ASIC4: variants seen among roughly 807,000 people sequenced by gnomAD.
The protein encoded by ASIC4 is acid sensing ion channel subunit family member 4.
ASIC4 carries 28 observed loss-of-function variants against 53.4 expected under a neutral mutation model. The observed-to-expected ratio is 0.52, with a 90% confidence interval of 0.39 to 0.72. The LOEUF is 0.72. Ranked by LOEUF, ASIC4 falls within the 30% of genes least tolerant of loss-of-function variation. The pLI is 0.00. For synonymous variants in ASIC4, 289 were observed against 301.4 expected (o/e 0.96, Z 0.43); for missense variants, 649 against 729.7 (o/e 0.89, Z 1.27).
intron 1 of ASIC4, among the ~76,000 whole-genome samples, chr2:219,530,185 A>T (rs374863232): frequency 3.8e-4 from 58 of 152,246 alleles, no homozygotes; most frequent in Middle Eastern, 3.4e-3. Context: ...GCTGCCTGTG[A>T]TGGGTTTGAC....
rs540946532 is a variant in ASIC4, at chr2:219,518,858, C to T, written c.582+3552C>T. On this transcript the variant is annotated intron_variant, in intron 1 of 9. Transcript: ENST00000358078. The surrounding 1 kb of genome is among the most constrained non-coding windows in gnomAD (Gnocchi z 4.8). The stretch of plus-strand genomic sequence containing the variant: ...CGGCTCTACGCATTAAGCTGTGTGG[C>T]CGTGGGGAAGCCAAAAAGCTTCTGT... 6.6e-6 allele frequency among the ~76,000 whole-genome samples: 1 copy of T among 152,314 alleles called. No individual in the cohort carries two copies. The highest frequency in any genetic ancestry group is 1.9e-4 in the East Asian group (1 of 5,186).
At chr2:219,535,914 A>AT (rs1382865943) in intron 6 of ASIC4, among the ~76,000 whole-genome samples, 1 of 151,824 alleles carries the variant, frequency 6.6e-6, no homozygotes, top group Non-Finnish European at 1.5e-5. Flanking sequence ...CTGGGATTAT[A>AT]GGCACCCACA....
rs1694849822 is a variant in ASIC4 at position 219,519,275 on chromosome 2, T to C, written c.582+3969T>C. 3.3e-5 allele frequency among the ~76,000 whole-genome samples: 5 copies of C among 152,338 alleles called. No individual in the cohort carries two copies. The South Asian group carries it at 1.0e-3, about 32-fold the overall frequency. On this transcript the variant is annotated intron_variant, in intron 1 of 9. Transcript: ENST00000358078. ...CTTAGCACACTACCTGGCACACACA[T>C]CGTATACTCTGTGTAAGCGTCAGCT...
In ASIC4 at chr2:219,525,938, G is replaced by T. The variant is rs35702981; in HGVS notation, c.583-5820G>T. Among the ~76,000 whole-genome samples the T allele has an allele frequency of 8.4e-3, 1,278 of 152,362 alleles. 10 individuals are homozygous for T. The highest frequency in any genetic ancestry group is 0.014 in the Non-Finnish European group (921 of 68,032). On this transcript the variant is annotated intron_variant, in intron 1 of 9. Coordinates refer to ENST00000358078, the MANE Select transcript of ASIC4 (RefSeq NM_018674.6). ...GTCAGGGGAAGTGCCGGGACCAGAG[G>T]CAGGGTGCCCAGAAGGCAGTGGAGA...
chr2:219,514,454 T>C, upstream of ASIC4: 1 of 1,550,102 alleles, frequency 6.5e-7, no homozygotes, highest in Non-Finnish European at 8.7e-7. Flanking sequence ...GTGCTGGTGC[T>C]GATAAGGGAA....
chr2:219,520,701 T>C (rs1471063544), intron 1 of ASIC4, among the ~76,000 whole-genome samples: 3 of 152,220 alleles, frequency 2.0e-5, no homozygotes, highest in African/African-American at 4.8e-5. Flanking sequence ...CTCTGTTCCC[T>C]GTGGTCCCAG....
upstream of ASIC4, among the ~76,000 whole-genome samples, chr2:219,510,349 C>G (rs1034975187): frequency 6.6e-6 from 1 of 152,150 alleles, no homozygotes; most frequent in Non-Finnish European, 1.5e-5. The surrounding 1 kb of genome is among the most constrained non-coding windows in gnomAD (Gnocchi z 5.2). Flanking sequence ...GACCAGCACC[C>G]CCTCCCGGCC....
At chr2:219,507,914 C>T in the ASIC4 span, among the ~76,000 whole-genome samples, 1 of 152,078 alleles carries the variant, frequency 6.6e-6, no homozygotes, top group East Asian at 1.9e-4. Context: ...CATAGCCTGG[C>T]AGTTAGGAAG....
rs1695052058 is a variant in ASIC4 at position 219,532,110 on chromosome 2, G to A, written c.837G>A (p.Val279=). ...FGVSPGFQTF[V]SCQEQRLTYL... Reference sequence around the variant, plus strand: ...TGTCCCCAGGCTTCCAGACCTTTGTGTCCTGCCAGGAACAGCGGGTGAGCA... The same window carrying A: ...TGTCCCCAGGCTTCCAGACCTTTGTATCCTGCCAGGAACAGCGGGTGAGCA... Residue 279 remains valine, a synonymous_variant, in exon 3 of 10, where the codon GTG becomes GTA. Coordinates refer to ENST00000358078, the MANE Select transcript of ASIC4 (RefSeq NM_018674.6). The A allele has an allele frequency of 1.2e-6, 2 of 1,614,214 alleles. No homozygotes were observed. The highest frequency in any genetic ancestry group is 8.5e-7 in the Non-Finnish European group (1 of 1,180,030).
chr2:219,519,965 A>G (rs1006376835), intron 1 of ASIC4, among the ~76,000 whole-genome samples: 1 of 152,112 alleles, frequency 6.6e-6, no homozygotes, highest in Non-Finnish European at 1.5e-5. Flanking sequence ...GGTGCAGGAC[A>G]TGACCTTGGT....
chr2:219,521,646 G>A (rs943041310), intron 1 of ASIC4, among the ~76,000 whole-genome samples: 4 of 151,740 alleles, frequency 2.6e-5, no homozygotes, highest in Admixed American at 6.6e-5. Context: ...AGTGAAGGGG[G>A]TGGAGCCTGA....
Position 219,532,871 on chromosome 2 carries a change from C to T in ASIC4, c.1019-12C>T, listed in dbSNP as rs764600014. ...GATCGTAGATTCCAGGAATAATCTT[C>T]TCTCCTTTCAGGCAATGAGACCATC... is the stretch of plus-strand genomic sequence containing the variant. On this transcript the variant is annotated splice_polypyrimidine_tract_variant and intron_variant, in intron 4 of 9. Transcript: ENST00000358078. The T allele has an allele frequency of 2.5e-6, 4 of 1,610,578 alleles. No individual in the cohort carries two copies. The East Asian group carries it at 6.7e-5, about 27-fold the overall frequency.
Position 219,537,587 on chromosome 2 carries a change from C to A in ASIC4, c.1402-45C>A, listed in dbSNP as rs754869442. On this transcript the variant is annotated intron_variant, in intron 8 of 9. Coordinates refer to ENST00000358078, the MANE Select transcript of ASIC4 (RefSeq NM_018674.6). This position sits in a 1 kb window ranked among gnomAD's most constrained non-coding sequence, Gnocchi z 4.9. ...TGGTAAGGCTCACGCTTCTCCTCAA[C>A]CAAATTTCCTGAGCCCACTGCTGTC... 3.2e-6 allele frequency: 5 copies of A among 1,551,124 alleles called. 1 individual carries two copies. Among genetic ancestry groups the A allele is most frequent in the Middle Eastern group, 1.8e-4 (1 of 5,604 alleles).
At chr2:219,508,408 G>A in the ASIC4 span, among the ~76,000 whole-genome samples, 1 of 152,188 alleles carries the variant, frequency 6.6e-6, no homozygotes, top group African/African-American at 2.4e-5. Flanking sequence ...ACCCAGTGGG[G>A]GTGGGGACAT....
At chr2:219,527,978 T>C (rs1694984842) in intron 1 of ASIC4, among the ~76,000 whole-genome samples, 1 of 152,222 alleles carries the variant, frequency 6.6e-6, no homozygotes, top group Non-Finnish European at 1.5e-5. Context: ...CAGTCAGGGC[T>C]CCGCCGAGGT....
At position 219,535,421 on chromosome 2, in the gene ASIC4, GTA is replaced by G. The variant is rs1225189723; in HGVS notation, c.1229+99_1229+100del. 6.0e-6 allele frequency: 8 copies of G among 1,328,630 alleles called. No homozygotes were observed. The Admixed American group carries it at 1.9e-4, about 31-fold the overall frequency. The allele number at this position is 1,328,630 out of a possible 1,614,324, so 82.3% of individuals were successfully genotyped here. A position where few individuals can be genotyped will look rare whatever the true frequency, so the allele number is the denominator to read the frequency against. On this transcript the variant is annotated intron_variant, in intron 6 of 9. Coordinates refer to ENST00000358078, the MANE Select transcript of ASIC4 (RefSeq NM_018674.6). Reference sequence around the variant, plus strand: ...ACTCTGTGTGTACGTGTGTGTGAGTGTATGTGTGTATGTGTTTGTGTGTATGT... The same window carrying G: ...ACTCTGTGTGTACGTGTGTGTGAGTGTGTGTGTATGTGTTTGTGTGTATGT...
At position 219,517,592 on chromosome 2, in the gene ASIC4, C is replaced by G. The variant is rs1694815520; in HGVS notation, c.582+2286C>G. 6.6e-6 allele frequency among the ~76,000 whole-genome samples: 1 copy of G among 152,152 alleles called. No individual in the cohort carries two copies. The highest frequency in any genetic ancestry group is 2.1e-4 in the South Asian group (1 of 4,830). On this transcript the variant is annotated intron_variant, in intron 1 of 9. Coordinates refer to ENST00000358078, the MANE Select transcript of ASIC4 (RefSeq NM_018674.6). The surrounding 1 kb of genome is among the most constrained non-coding windows in gnomAD (Gnocchi z 4.2). Reference sequence around the variant, plus strand: ...GCAGATTCACCAGGGTCTGGAATTACAGATTGGGCTGGGGGCCCATGATCC... The same window carrying G: ...GCAGATTCACCAGGGTCTGGAATTAGAGATTGGGCTGGGGGCCCATGATCC...
At chr2:219,520,538 A>T (rs1352213487) in intron 1 of ASIC4, among the ~76,000 whole-genome samples, 1 of 152,070 alleles carries the variant, frequency 6.6e-6, no homozygotes, top group Non-Finnish European at 1.5e-5. Flanking sequence ...TCCACACTCC[A>T]TCCCAACTCT....
In ASIC4 at chr2:219,516,456, CCTGT is replaced by C. The variant is rs746158370; in HGVS notation, c.582+1156_582+1159del. On this transcript the variant is annotated intron_variant, in intron 1 of 9. Coordinates refer to ENST00000358078, the MANE Select transcript of ASIC4 (RefSeq NM_018674.6). The surrounding 1 kb of genome is among the most constrained non-coding windows in gnomAD (Gnocchi z 4.9). ...GGGGGTGGGCGTGTCTTGTACACTGCCTGTCTGTCAGGGCTCCATTCACCCATAG... is the reference window on the plus strand; with the variant it reads ...GGGGGTGGGCGTGTCTTGTACACTGCCTGTCAGGGCTCCATTCACCCATAG... Among the ~76,000 whole-genome samples the C allele has an allele frequency of 1.3e-5, 2 of 152,028 alleles. No individual in the cohort carries two copies. The highest frequency in any genetic ancestry group is 2.9e-5 in the Non-Finnish European group (2 of 67,976).
Sources: gnomAD v4.1 joint callset for allele counts (sites outside exome capture counted in the v4.1 genomes callset) on GRCh38, gnomAD v4.1.1 for gene constraint, Gnocchi (gnomAD v3.1) non-coding constraint, MANE v1.5 for transcripts, NCBI Gene and HGNC (gene_info 2026-07-23, HGNC 2026-07-21) for gene names.